The following PTPRD variants were observed in gnomAD, a reference collection of about 807,000 sequenced individuals.
PTPRD encodes the protein receptor-type tyrosine-protein phosphatase delta.
Under a neutral mutation model 214.5 loss-of-function variants are expected in PTPRD, and 34 were observed. That is an observed-to-expected ratio of 0.16 (90% CI 0.12 to 0.21). The LOEUF is 0.21. PTPRD is among the 10% of genes least tolerant of loss of function. The pLI, the probability that PTPRD is intolerant of heterozygous loss-of-function variation, is 1.00. For missense variants in PTPRD, 2,545 were observed against 2,398.7 expected (o/e 1.06, Z -1.27); for synonymous variants, 1,128 against 845.7 (o/e 1.33, Z -5.79).
rs533828051 is a variant in PTPRD, at chr9:8,330,677, A to AGAAACTTCATTAT, written c.5534+892_5534+904dup. ...CTCAGCTAAGATAACTGAAGTCCAG[A>AGAAACTTCATTAT]GAAACTTCATTATCATAGAGCCAAA... On this transcript the variant is annotated intron_variant, in intron 44 of 45. Transcript: ENST00000381196. Among the ~76,000 whole-genome samples the AGAAACTTCATTAT allele has an allele frequency of 8.7e-3, 1,327 of 152,276 alleles. 7 individuals carry two copies. Among genetic ancestry groups the AGAAACTTCATTAT allele is most frequent in the Middle Eastern group, 0.024 (7 of 294 alleles).
intron 13 of PTPRD, among the ~76,000 whole-genome samples, chr9:8,636,002 C>G (rs1253361394): frequency 6.6e-6 from 1 of 152,142 alleles, no homozygotes; most frequent in Non-Finnish European, 1.5e-5. Flanking sequence ...CCAACTTCTT[C>G]GATAGGTTTC....
intron 5 of PTPRD, among the ~76,000 whole-genome samples, chr9:9,823,174 AG>A (rs1175300829): frequency 1.3e-5 from 2 of 152,254 alleles, no homozygotes; most frequent in African/African-American, 4.8e-5. Flanking sequence ...TAATTTATAA[AG>A]AAAAGAGGTA....
At position 10,151,643 on chromosome 9, in the gene PTPRD, T is replaced by C. The variant is rs577936146; in HGVS notation, c.-544-117853A>G. On this transcript the variant is annotated intron_variant, in intron 3 of 45. Coordinates refer to ENST00000381196, the MANE Select transcript of PTPRD (RefSeq NM_002839.4). ...GTTTACTATTTTTAGCATAAAATAC[T>C]GTGAGTTTTGGTAAATGCATGTAGC... Among the ~76,000 whole-genome samples, 10 of 152,264 alleles carry C rather than the reference T, an allele frequency of 6.6e-5. No homozygotes were observed. In the South Asian group the frequency reaches 2.1e-3, roughly 32 times the overall value.
chr9:9,770,074 T>A (rs936400221), intron 5 of PTPRD, among the ~76,000 whole-genome samples: 16 of 152,232 alleles, frequency 1.1e-4, no homozygotes, highest in African/African-American at 3.9e-4. Flanking sequence ...AACATTCATG[T>A]GCATGTGACT....
chr9:9,832,058 T>C (rs1378623326), intron 5 of PTPRD, among the ~76,000 whole-genome samples: 3 of 151,986 alleles, frequency 2.0e-5, no homozygotes, highest in Non-Finnish European at 4.4e-5. Flanking sequence ...TAACCTACCA[T>C]TCTCTCCCTA....
At chr9:9,932,307 G>A (rs1307312158) in intron 5 of PTPRD, among the ~76,000 whole-genome samples, 2 of 145,412 alleles carry the variant, frequency 1.4e-5, no homozygotes, top group Admixed American at 6.8e-5. Context: ...CAAACCAAAG[G>A]CAAAGAAGTT....
intron 8 of PTPRD, among the ~76,000 whole-genome samples, chr9:9,571,007 T>A (rs1316435467): frequency 6.6e-6 from 1 of 151,492 alleles, no homozygotes; most frequent in Non-Finnish European, 1.5e-5. Context: ...CTACTTCCAT[T>A]GTGTTACATT....
chr9:9,710,259 G>A (rs1358094352), intron 7 of PTPRD, among the ~76,000 whole-genome samples: 2 of 151,946 alleles, frequency 1.3e-5, no homozygotes, highest in Non-Finnish European at 2.9e-5. Flanking sequence ...AATAAGACTA[G>A]GTTATTTGGC....
At chr9:10,049,409 AAG>A (rs1183255716) in intron 3 of PTPRD, among the ~76,000 whole-genome samples, 6 of 92,072 alleles carry the variant, frequency 6.5e-5, no homozygotes, top group Non-Finnish European at 5.9e-5. Flanking sequence ...AAAAAAAAAA[AAG>A]AAAGAAAGAA....
In PTPRD at chr9:10,612,903, G is replaced by C. The variant is rs1432959044; in HGVS notation, c.-923C>G. Among the ~76,000 whole-genome samples the C allele has an allele frequency of 6.6e-6, 1 of 151,736 alleles. No individual in the cohort carries two copies. Among genetic ancestry groups the C allele is most frequent in the African/African-American group, 2.4e-5 (1 of 41,390 alleles). ...GCGAGGCGCTGCCCCCACGCGCTCCGGCCGCCGGCTGCGGGCGCGGCTGGG... is the reference window on the plus strand; with the variant it reads ...GCGAGGCGCTGCCCCCACGCGCTCCCGCCGCCGGCTGCGGGCGCGGCTGGG... On this transcript the variant is annotated 5_prime_UTR_variant, in exon 1 of 46. Transcript: ENST00000381196.
chr9:8,405,686 A>T (rs1490953726), intron 35 of PTPRD, among the ~76,000 whole-genome samples: 1 of 152,194 alleles, frequency 6.6e-6, no homozygotes, highest in Admixed American at 6.5e-5. Flanking sequence ...CACAAACATG[A>T]TTTTAAACGA....
At chr9:10,095,199 G>A (rs1350353838) in intron 3 of PTPRD, among the ~76,000 whole-genome samples, 1 of 151,210 alleles carries the variant, frequency 6.6e-6, no homozygotes, top group Admixed American at 6.6e-5. Context: ...TCACTTTAAT[G>A]GATTTAACTT....
At chr9:9,443,574 G>C (rs1283788863) in intron 8 of PTPRD, among the ~76,000 whole-genome samples, 1 of 152,174 alleles carries the variant, frequency 6.6e-6, no homozygotes, top group African/African-American at 2.4e-5. Flanking sequence ...CAAGCCCTGG[G>C]TTGTTACGTA....
At chr9:10,262,489 G>A (rs906721463) in intron 3 of PTPRD, among the ~76,000 whole-genome samples, 4 of 152,100 alleles carry the variant, frequency 2.6e-5, no homozygotes, top group African/African-American at 9.7e-5. Context: ...TAAAACTGAG[G>A]TCTGAAATCC....
intron 5 of PTPRD, among the ~76,000 whole-genome samples, chr9:9,810,781 T>C (rs1598460054): frequency 6.6e-6 from 1 of 152,014 alleles, no homozygotes; most frequent in African/African-American, 2.4e-5. Context: ...TCAGGTCTTA[T>C]TGTTAAACAA....
intron 6 of PTPRD, among the ~76,000 whole-genome samples, chr9:9,765,743 C>G (rs1455226238): frequency 1.3e-5 from 2 of 152,178 alleles, no homozygotes; most frequent in African/African-American, 4.8e-5. Flanking sequence ...TCACTGCAAG[C>G]TTCACCTCCT....
At chr9:9,839,417 C>G (rs2057722912) in intron 5 of PTPRD, among the ~76,000 whole-genome samples, 1 of 152,114 alleles carries the variant, frequency 6.6e-6, no homozygotes, top group South Asian at 2.1e-4. Context: ...AACAGACAAA[C>G]AGAGAGGGAA....
At chr9:9,889,376 T>C (rs1250570062) in intron 5 of PTPRD, among the ~76,000 whole-genome samples, 3 of 151,066 alleles carry the variant, frequency 2.0e-5, no homozygotes, top group Admixed American at 6.6e-5. Flanking sequence ...ATACATAATA[T>C]ATACAATTTT....
At chr9:10,497,534 T>C (rs150171055) in intron 2 of PTPRD, among the ~76,000 whole-genome samples, 1 of 152,046 alleles carries the variant, frequency 6.6e-6, no homozygotes, top group Non-Finnish European at 1.5e-5. Flanking sequence ...AGTTCAAACA[T>C]GTATTTTATT....
Sources: allele counts gnomAD v4.1 joint callset (sites outside exome capture counted in the v4.1 genomes callset), GRCh38; gene constraint gnomAD v4.1.1; transcripts MANE v1.5; gene names NCBI Gene and HGNC (gene_info 2026-07-23, HGNC 2026-07-21).